Variants in EYS observed in about 807,000 individuals in gnomAD.
EYS encodes protein eyes shut homolog.
Under a neutral mutation model 282.1 loss-of-function variants are expected in EYS, and 250 were observed. The observed-to-expected ratio is 0.89, with a 90% CI of 0.80 to 0.98. The LOEUF (loss-of-function observed/expected upper bound fraction) is 0.98, where lower values mean the gene tolerates loss of function less well. Ranked by LOEUF, EYS falls within the 50% of genes least tolerant of loss-of-function variation. The probability of loss-of-function intolerance (pLI) is 0.00; values close to 1 mark genes in which losing one functional copy is unlikely to be tolerated. For synonymous variants in EYS, 1,355 were observed against 1,282.9 expected (o/e 1.06, Z -1.20); for missense variants, 4,016 against 3,709.0 (o/e 1.08, Z -2.15).
chr6:65,561,595 A>G (rs1471233783), intron 2 of EYS, among the ~76,000 whole-genome samples: 2 of 152,226 alleles, frequency 1.3e-5, no homozygotes, highest in East Asian at 3.9e-4. Context: ...AGATATATTC[A>G]AAAGGTAATG....
At chr6:64,614,625 GTGGAAAATGCATT>G (rs1359463204) in intron 24 of EYS, among the ~76,000 whole-genome samples, 1 of 152,094 alleles carries the variant, frequency 6.6e-6, no homozygotes, top group Non-Finnish European at 1.5e-5. Context: ...AATATTGTAA[GTGGAAAATGCATT>G]TAATACACCT....
In EYS at chr6:65,418,505, A is replaced by G. The variant is rs184870619; in HGVS notation, c.863-13138T>C. On this transcript the variant is annotated intron_variant, in intron 5 of 42. Coordinates refer to ENST00000503581, the MANE Select transcript of EYS (RefSeq NM_001142800.2). ...ATCAATGATAGGCTGGATAAAGAAA[A>G]TGTGGTACATAAACACCATGAAATA... Among the ~76,000 whole-genome samples the G allele has an allele frequency of 2.2e-3, 336 of 152,214 alleles. 4 individuals are homozygous for G. The South Asian group carries it at 0.026, about 12-fold the overall frequency.
intron 31 of EYS, among the ~76,000 whole-genome samples, chr6:64,223,698 C>T (rs1766170532): frequency 6.6e-6 from 1 of 151,958 alleles, no homozygotes; most frequent in Admixed American, 6.6e-5. Flanking sequence ...TAAACATGTA[C>T]TTTATTTATC....
chr6:64,803,617 G>T (rs565503729), intron 22 of EYS, among the ~76,000 whole-genome samples: 1 of 152,290 alleles, frequency 6.6e-6, no homozygotes. Context: ...TGTCCAAGGC[G>T]CTCAGGCTGT....
chr6:65,642,381 A>G (rs144866424), intron 1 of EYS, among the ~76,000 whole-genome samples: 2 of 152,262 alleles, frequency 1.3e-5, no homozygotes, highest in African/African-American at 4.8e-5. Flanking sequence ...GAGATGAAGG[A>G]AAGCCTTCAT....
At chr6:64,257,689 G>C (rs559100183) in intron 30 of EYS, among the ~76,000 whole-genome samples, 2 of 151,850 alleles carry the variant, frequency 1.3e-5, no homozygotes, top group East Asian at 3.9e-4. Context: ...ACCAAATCAA[G>C]AAGTGACATG....
At chr6:65,258,311 G>A (rs75043448) in intron 12 of EYS, among the ~76,000 whole-genome samples, 1,639 of 152,054 alleles carry the variant, frequency 0.011, 32 homozygotes, top group African/African-American at 0.037. Context: ...AGAGGAGAAA[G>A]CAGCACTTTC....
chr6:63,746,505 A>C (rs1218053960), intron 41 of EYS, among the ~76,000 whole-genome samples: 2 of 152,210 alleles, frequency 1.3e-5, no homozygotes, highest in Non-Finnish European at 2.9e-5. Context: ...GAACAGTACC[A>C]GCTCCTCTTT....
chr6:65,451,139 C>G (rs896929307), intron 5 of EYS, among the ~76,000 whole-genome samples: 1 of 151,838 alleles, frequency 6.6e-6, no homozygotes, highest in African/African-American at 2.4e-5. Flanking sequence ...TTTTTCTATT[C>G]TATTAATCTA....
rs1582141011 is a variant in EYS, at chr6:63,721,930, TA to T, written c.8234-134del. ...TAACAGATCTTGAGCACAATTGTGT[TA>T]GTTTTGTTTCCACTCACAGAGCAAA... On this transcript the variant is annotated intron_variant, in intron 42 of 42. Coordinates refer to ENST00000503581, the MANE Select transcript of EYS (RefSeq NM_001142800.2). 5.0e-6 allele frequency: 4 copies of T among 798,048 alleles called. No homozygotes were observed. In the East Asian group the frequency reaches 1.1e-4, roughly 21 times the overall value. 49.4% of individuals were successfully genotyped at this position (798,048 alleles called of 1,614,324 possible).
chr6:64,973,312 A>G (rs890509548), intron 14 of EYS, among the ~76,000 whole-genome samples: 2 of 151,894 alleles, frequency 1.3e-5, no homozygotes, highest in African/African-American at 4.8e-5. Context: ...CAAATAATCA[A>G]TAAGCTATAT....
chr6:64,063,829 A>C (rs1228637184), intron 33 of EYS, among the ~76,000 whole-genome samples: 3 of 152,152 alleles, frequency 2.0e-5, no homozygotes, highest in African/African-American at 7.2e-5. Flanking sequence ...CTGGGTTCAA[A>C]GGGGATTCTC....
intron 2 of EYS, among the ~76,000 whole-genome samples, chr6:65,603,729 C>T (rs555612517): frequency 1.8e-4 from 28 of 151,556 alleles, no homozygotes; most frequent in African/African-American, 6.3e-4. Flanking sequence ...TTAAATAAGA[C>T]AAAAACATTT....
intron 12 of EYS, among the ~76,000 whole-genome samples, chr6:65,281,382 C>T (rs1350648354): frequency 1.3e-5 from 2 of 151,988 alleles, no homozygotes; most frequent in East Asian, 3.9e-4. Flanking sequence ...TTTTATAACT[C>T]ACAATGTATG....
intron 12 of EYS, among the ~76,000 whole-genome samples, chr6:65,282,250 A>T (rs1051878590): frequency 6.6e-6 from 1 of 152,054 alleles, no homozygotes; most frequent in South Asian, 2.1e-4. Context: ...TCACAAACAT[A>T]TTAAATATTT....
At chr6:64,152,058 A>G (rs960059093) in intron 31 of EYS, among the ~76,000 whole-genome samples, 1 of 152,154 alleles carries the variant, frequency 6.6e-6, no homozygotes, top group Admixed American at 6.6e-5. Context: ...CAATGCATTC[A>G]GGTTTTTAAA....
intron 14 of EYS, among the ~76,000 whole-genome samples, chr6:64,972,017 G>GA (rs1270875409): frequency 6.6e-6 from 1 of 151,964 alleles, no homozygotes; most frequent in Admixed American, 6.6e-5. Context: ...AAAGAATAAA[G>GA]AAAAAACATG....
At chr6:65,538,667 A>G (rs1049189127) in intron 2 of EYS, among the ~76,000 whole-genome samples, 1 of 152,176 alleles carries the variant, frequency 6.6e-6, no homozygotes, top group African/African-American at 2.4e-5. Context: ...ATAATGACCC[A>G]TTTATCCATT....
intron 11 of EYS, among the ~76,000 whole-genome samples, chr6:65,314,036 C>A (rs1197275784): frequency 1.3e-5 from 2 of 152,066 alleles, no homozygotes; most frequent in Non-Finnish European, 2.9e-5. Context: ...TTCACAGAAG[C>A]CAAACATTTC....
Sources: gnomAD v4.1 joint callset for allele counts (sites outside exome capture counted in the v4.1 genomes callset) on GRCh38, gnomAD v4.1.1 for gene constraint, MANE v1.5 for transcripts, NCBI Gene and HGNC (gene_info 2026-07-23, HGNC 2026-07-21) for gene names.